SLC39A11: variants seen among roughly 807,000 people sequenced by gnomAD.
The protein encoded by SLC39A11 is zinc transporter ZIP11.
In SLC39A11, 33 loss-of-function variants were observed where a neutral mutation model predicts 36.1. The ratio of observed to expected loss-of-function variants is 0.91; its 90% CI spans 0.69 to 1.22. The LOEUF is 1.22. Among genes scored for constraint, SLC39A11 ranks in the 50% most tolerant of loss-of-function variants. SLC39A11 has a pLI of 0.00. For synonymous variants in SLC39A11, 166 were observed against 170.3 expected, an observed-to-expected ratio of 0.97 and a Z score of 0.20; for missense variants, 432 against 430.3, an observed-to-expected ratio of 1.00 and a Z score of -0.03.
chr17:72,947,547 T>G (rs2085507457), intron 5 of SLC39A11: 1 of 701,158 alleles, frequency 1.4e-6, no homozygotes, highest in Non-Finnish European at 2.4e-6. Flanking sequence ...ACTAAGCATG[T>G]GGTTTGGACA....
chr17:72,936,826 G>A (rs1365315546), intron 5 of SLC39A11, among the ~76,000 whole-genome samples: 2 of 152,128 alleles, frequency 1.3e-5, no homozygotes, highest in East Asian at 1.9e-4. Flanking sequence ...AGGAAGGCGC[G>A]ACCTAGATCC....
intron 7 of SLC39A11, among the ~76,000 whole-genome samples, chr17:72,655,441 T>C (rs762836221): frequency 5.3e-5 from 8 of 152,218 alleles, no homozygotes; most frequent in South Asian, 2.1e-4. Context: ...CAAATGCCGA[T>C]GCCTCGGCCC....
chr17:72,693,516 A>T (rs2144467628), intron 7 of SLC39A11, among the ~76,000 whole-genome samples: 1 of 152,310 alleles, frequency 6.6e-6, no homozygotes, highest in Non-Finnish European at 1.5e-5. Flanking sequence ...TTAGATCAAT[A>T]AACTGTCCAT....
intron 6 of SLC39A11, among the ~76,000 whole-genome samples, chr17:72,840,395 A>T (rs2078748951): frequency 6.6e-6 from 1 of 152,264 alleles, no homozygotes; most frequent in Admixed American, 6.5e-5. Flanking sequence ...AGGCAGCAAG[A>T]GTCTGCCAAT....
intron 7 of SLC39A11, among the ~76,000 whole-genome samples, chr17:72,732,751 C>T (rs1302487636): frequency 1.3e-5 from 2 of 152,148 alleles, no homozygotes; most frequent in Non-Finnish European, 2.9e-5. Context: ...AGAGTTAGGG[C>T]TTTGTGTAGG....
chr17:72,906,862 G>A (rs369918686), intron 5 of SLC39A11, among the ~76,000 whole-genome samples: 13 of 152,188 alleles, frequency 8.5e-5, no homozygotes, highest in Non-Finnish European at 1.6e-4. Flanking sequence ...TAAAGTGTAC[G>A]AGAACATGGA....
At chr17:72,908,567 A>G (rs528462980) in intron 5 of SLC39A11, among the ~76,000 whole-genome samples, 2 of 152,338 alleles carry the variant, frequency 1.3e-5, no homozygotes, top group South Asian at 2.1e-4. Context: ...CCATGAAAAC[A>G]GGTCACACAG....
chr17:72,951,059 C>G (rs984599478), intron 4 of SLC39A11, among the ~76,000 whole-genome samples: 1 of 150,402 alleles, frequency 6.6e-6, no homozygotes, highest in Non-Finnish European at 1.5e-5. Context: ...CCCAGGAGTT[C>G]GAGACCAGCC....
In SLC39A11 at chr17:72,792,941, G is replaced by A. The variant is rs191159933; in HGVS notation, c.602-56222C>T. 2.0e-3 allele frequency among the ~76,000 whole-genome samples: 310 copies of A among 152,304 alleles called. 3 individuals carry two copies. Among genetic ancestry groups the A allele is most frequent in the Middle Eastern group, 0.017 (5 of 294 alleles). ...ACTATGTTAGGACCAGACACACAAA[G>A]ATAACATCAAAACAAGGCTCAGGAT... On this transcript the variant is annotated intron_variant, in intron 6 of 9. Coordinates refer to ENST00000255559, the MANE Select transcript of SLC39A11 (RefSeq NM_139177.4).
intron 6 of SLC39A11, among the ~76,000 whole-genome samples, chr17:72,768,532 C>T (rs2075828367): frequency 6.6e-6 from 1 of 152,160 alleles, no homozygotes; most frequent in Non-Finnish European, 1.5e-5. Flanking sequence ...AAGCAACCAT[C>T]CCATGAGGGG....
chr17:72,873,858 G>A (rs2080766496), intron 5 of SLC39A11, among the ~76,000 whole-genome samples: 1 of 152,202 alleles, frequency 6.6e-6, no homozygotes, highest in African/African-American at 2.4e-5. Flanking sequence ...ACCAGGTGGA[G>A]ATAACTGAAT....
chr17:72,952,536 C>T (rs1253526147), intron 4 of SLC39A11, among the ~76,000 whole-genome samples: 1 of 152,196 alleles, frequency 6.6e-6, no homozygotes, highest in East Asian at 1.9e-4. Context: ...GTTGAGGGCA[C>T]TGGAGCTCTT....
intron 3 of SLC39A11, among the ~76,000 whole-genome samples, chr17:73,051,515 A>G (rs1485544584): frequency 3.3e-5 from 5 of 151,516 alleles, no homozygotes; most frequent in Admixed American, 6.6e-5. Flanking sequence ...GACACAGTGA[A>G]GGAGGACAGG....
chr17:72,781,227 T>C lies in SLC39A11; in HGVS notation c.602-44508A>G, dbSNP rs1202454187. 3.1e-4 allele frequency among the ~76,000 whole-genome samples: 47 copies of C among 152,274 alleles called. 1 individual carries two copies. Among genetic ancestry groups the C allele is most frequent in the Admixed American group, 3.0e-3 (46 of 15,296 alleles). On this transcript the variant is annotated intron_variant, in intron 6 of 9. Coordinates refer to ENST00000255559, the MANE Select transcript of SLC39A11 (RefSeq NM_139177.4). Reference sequence around the variant, plus strand: ...TGTCTCTCAGGGTCACGGTGCCCCATGAATCCACGATCCTCTCAAACTCTC... The same window carrying C: ...TGTCTCTCAGGGTCACGGTGCCCCACGAATCCACGATCCTCTCAAACTCTC...
chr17:72,998,289 G>T (rs1386792784), intron 4 of SLC39A11, among the ~76,000 whole-genome samples: 1 of 152,068 alleles, frequency 6.6e-6, no homozygotes, highest in African/African-American at 2.4e-5. Flanking sequence ...CCACTGTACT[G>T]TTCCTTTGTC....
At chr17:72,982,572 G>T (rs2088406816) in intron 4 of SLC39A11, among the ~76,000 whole-genome samples, 2 of 152,076 alleles carry the variant, frequency 1.3e-5, no homozygotes, top group Non-Finnish European at 2.9e-5. Flanking sequence ...CAAAAACCTT[G>T]TTCGTAATAC....
At chr17:72,854,741 C>T (rs2079548377) in intron 5 of SLC39A11, among the ~76,000 whole-genome samples, 1 of 152,138 alleles carries the variant, frequency 6.6e-6, no homozygotes, top group Non-Finnish European at 1.5e-5. Context: ...CAGGGCTCAG[C>T]CTCTCATCCT....
chr17:72,795,532 C>T (rs1217174469), intron 6 of SLC39A11, among the ~76,000 whole-genome samples: 1 of 152,122 alleles, frequency 6.6e-6, no homozygotes, highest in Admixed American at 6.5e-5. Flanking sequence ...AGGTCGCACA[C>T]CATCACTTTT....
intron 4 of SLC39A11, among the ~76,000 whole-genome samples, chr17:72,960,407 G>GTAGA (rs1369860618): frequency 1.3e-4 from 20 of 152,252 alleles, no homozygotes; most frequent in African/African-American, 4.8e-4. Context: ...AGGTAGGTAG[G>GTAGA]TAGATAGATT....
Sources: gnomAD v4.1 joint callset for allele counts (sites outside exome capture counted in the v4.1 genomes callset) on GRCh38, gnomAD v4.1.1 for gene constraint, MANE v1.5 for transcripts, NCBI Gene and HGNC (gene_info 2026-07-23, HGNC 2026-07-21) for gene names.